ADAMTS2: variants seen among roughly 807,000 people sequenced by gnomAD.
The protein encoded by ADAMTS2 is A disintegrin and metalloproteinase with thrombospondin motifs 2.
Under a neutral mutation model 123.0 loss-of-function variants are expected in ADAMTS2, and 50 were observed. The ratio of observed to expected loss-of-function variants is 0.41; its 90% CI spans 0.32 to 0.51. The LOEUF (loss-of-function observed/expected upper bound fraction) is 0.51, where lower values mean the gene tolerates loss of function less well. ADAMTS2 is among the 20% of genes least tolerant of loss of function. The pLI, the probability that ADAMTS2 is intolerant of heterozygous loss-of-function variation, is 0.35. For missense variants in ADAMTS2, 1,494 were observed against 1,705.2 expected, an observed-to-expected ratio of 0.88 and a Z score of 2.18; for synonymous variants, 678 against 695.4, an observed-to-expected ratio of 0.98 and a Z score of 0.39.
At chr5:179,212,038 T>C (rs1350102141) in intron 3 of ADAMTS2, among the ~76,000 whole-genome samples, 1 of 152,182 alleles carries the variant, frequency 6.6e-6, no homozygotes, top group East Asian at 1.9e-4. Context: ...GTTGTCCACA[T>C]GCCCGGAGCC....
chr5:179,276,520 G>A (rs961575960), intron 2 of ADAMTS2, among the ~76,000 whole-genome samples: 2 of 152,136 alleles, frequency 1.3e-5, no homozygotes, highest in Admixed American at 6.5e-5. Context: ...ACATGAGGCA[G>A]GTCATTTCCC....
At chr5:179,299,921 C>T (rs190635453) in intron 2 of ADAMTS2, among the ~76,000 whole-genome samples, 4,369 of 151,724 alleles carry the variant, frequency 0.029, 123 homozygotes, top group South Asian at 0.084. Context: ...AGTGAAACCC[C>T]GTCTCTACTA....
intron 3 of ADAMTS2, among the ~76,000 whole-genome samples, chr5:179,224,287 T>G (rs1462525726): frequency 6.6e-6 from 1 of 152,156 alleles, no homozygotes; most frequent in Non-Finnish European, 1.5e-5. Context: ...CGGCACACCC[T>G]GACATCCGTA....
chr5:179,190,373 G>C (rs2113335331), intron 4 of ADAMTS2, among the ~76,000 whole-genome samples: 1 of 152,296 alleles, frequency 6.6e-6, no homozygotes, highest in Admixed American at 6.5e-5. Context: ...AGGAGCATTT[G>C]TCGTATAGAA....
chr5:179,213,784 G>A (rs1473376179), intron 3 of ADAMTS2, among the ~76,000 whole-genome samples: 7 of 152,138 alleles, frequency 4.6e-5, no homozygotes, highest in Non-Finnish European at 8.8e-5. Flanking sequence ...CATTTAAGGA[G>A]ATAAACTGAT....
chr5:179,309,675 T>C lies in ADAMTS2; in HGVS notation c.534+34092A>G, dbSNP rs1756771850. On this transcript the variant is annotated intron_variant, in intron 2 of 21. Transcript: ENST00000251582. The stretch of plus-strand genomic sequence containing the variant: ...CAGGAGGCTAAGGCAGGAGAATCGC[T>C]TGAACCTGGGAGGCGGAGTTGCAGT... Among the ~76,000 whole-genome samples, 11 of 148,290 alleles carry C rather than the reference T, an allele frequency of 7.4e-5. No homozygotes were observed. In the Admixed American group the frequency reaches 7.4e-4, roughly 10 times the overall value.
rs1764161514 is a variant in ADAMTS2 at position 179,185,885 on chromosome 5, G to A, written c.892-4730C>T. 6.6e-6 allele frequency among the ~76,000 whole-genome samples: 1 copy of A among 151,996 alleles called. No individual in the cohort carries two copies. Among genetic ancestry groups the A allele is most frequent in the Non-Finnish European group, 1.5e-5 (1 of 67,986 alleles). ...CCCTGGCTGCTGAGGAGCTAGAGAG[G>A]GCATGCCTGCAAATGCTCCCAGCAG... On this transcript the variant is annotated intron_variant, in intron 4 of 21. Transcript: ENST00000251582. This position sits in a 1 kb window ranked among gnomAD's most constrained non-coding sequence, Gnocchi z 5.9.
intron 2 of ADAMTS2, among the ~76,000 whole-genome samples, chr5:179,300,358 T>G (rs1050706861): frequency 9.8e-5 from 15 of 152,356 alleles, no homozygotes; most frequent in African/African-American, 3.6e-4. Context: ...CTTTTCTACA[T>G]TATTCAATGA....
intron 2 of ADAMTS2, among the ~76,000 whole-genome samples, chr5:179,316,658 T>G (rs1757006620): frequency 6.6e-6 from 1 of 152,098 alleles, no homozygotes; most frequent in South Asian, 2.1e-4. Flanking sequence ...GAACATGAAG[T>G]GGGGACGGGA....
intron 3 of ADAMTS2, among the ~76,000 whole-genome samples, chr5:179,268,405 G>A (rs1335705157): frequency 6.6e-6 from 1 of 152,222 alleles, no homozygotes; most frequent in Non-Finnish European, 1.5e-5. Context: ...TGCCTGCCAG[G>A]CCCTGCAGGC....
At chr5:179,267,389 T>G (rs1234130566) in intron 3 of ADAMTS2, among the ~76,000 whole-genome samples, 2 of 152,174 alleles carry the variant, frequency 1.3e-5, no homozygotes, top group Non-Finnish European at 2.9e-5. Context: ...CGTCTGCCCG[T>G]CAGGGAGGAT....
chr5:179,310,718 G>A (rs1756806802), intron 2 of ADAMTS2, among the ~76,000 whole-genome samples: 1 of 152,196 alleles, frequency 6.6e-6, no homozygotes, highest in South Asian at 2.1e-4. Context: ...GTGGTCTGAT[G>A]ACATTGAAGT....
intron 5 of ADAMTS2, among the ~76,000 whole-genome samples, chr5:179,172,490 CA>C (rs1763843712): frequency 6.6e-6 from 1 of 152,204 alleles, no homozygotes; most frequent in Non-Finnish European, 1.5e-5. Context: ...CCTGCTAACC[CA>C]GGGGCGTGGG....
In ADAMTS2 at chr5:179,121,700, G is replaced by A. The variant is rs758048360; in HGVS notation, c.3139C>T (p.Arg1047Cys). 4 of 1,596,892 alleles carry A rather than the reference G, an allele frequency of 2.5e-6. No homozygotes were observed. Among genetic ancestry groups the A allele is most frequent in the East Asian group, 2.3e-5 (1 of 43,556 alleles). ...CGGATGGGCGAGTCGGGGTCCGGGC[G>A]GGACAGCCACTGAACTACGTAGCTC... The part of the protein sequence containing the change: ...KKSYVVQWLS[R>C]PDPDSPIRKI... The change falls in exon 21 of 22, where the codon CGC (arginine) becomes TGC (cysteine). Residue 1047 changes from arginine to cysteine, a missense_variant. By Grantham distance (180) the Arg-to-Cys change is radical. This residue lies in a region of ADAMTS2 where 953 missense variants were observed against 1,124.7 expected (regional missense o/e 0.85). Coordinates refer to ENST00000251582, the MANE Select transcript of ADAMTS2 (RefSeq NM_014244.5).
chr5:179,234,811 G>A lies in ADAMTS2; in HGVS notation c.689-27096C>T, dbSNP rs1765487887. The stretch of plus-strand genomic sequence containing the variant: ...CTGGCCCCATCCGCTGCTGCTCCCT[G>A]CCCTTCACTCCCTGTAGCTCGAGTC... On this transcript the variant is annotated intron_variant, in intron 3 of 21. Coordinates refer to ENST00000251582, the MANE Select transcript of ADAMTS2 (RefSeq NM_014244.5). This position sits in a 1 kb window ranked among gnomAD's most constrained non-coding sequence, Gnocchi z 4.7. 1.3e-5 allele frequency among the ~76,000 whole-genome samples: 2 copies of A among 152,210 alleles called. No individual in the cohort carries two copies. Among genetic ancestry groups the A allele is most frequent in the Non-Finnish European group, 2.9e-5 (2 of 68,004 alleles).
Position 179,111,436 on chromosome 5 carries a change from T to C in ADAMTS2, c.*2431A>G, listed in dbSNP as rs1433984971. 6.6e-6 allele frequency: 1 copy of C among 152,294 alleles called. No homozygotes were observed. The highest frequency in any genetic ancestry group is 6.5e-5 in the Admixed American group (1 of 15,282). 9.4% of individuals were successfully genotyped at this position (152,294 alleles called of 1,614,324 possible). On this transcript the variant is annotated 3_prime_UTR_variant, in exon 22 of 22. Transcript: ENST00000251582. ...GTCGTTTCTCAGAGCCCGGTGAACG[T>C]TGGCATTCCTTGGACAGACTTTTGA... is the stretch of plus-strand genomic sequence containing the variant.
chr5:179,245,891 T>A (rs1765793520), intron 3 of ADAMTS2, among the ~76,000 whole-genome samples: 1 of 150,998 alleles, frequency 6.6e-6, no homozygotes, highest in Non-Finnish European at 1.5e-5. Context: ...CTAAAGATTC[T>A]GATAAGATGC....
Position 179,181,495 on chromosome 5 carries a change from A to G in ADAMTS2, c.892-340T>C, listed in dbSNP as rs1764046936. Among the ~76,000 whole-genome samples the G allele has an allele frequency of 6.6e-6, 1 of 151,974 alleles. No individual in the cohort carries two copies. The highest frequency in any genetic ancestry group is 2.4e-5 in the African/African-American group (1 of 41,372). The stretch of plus-strand genomic sequence containing the variant: ...CAGCTGAAACACAACCTTCCCTTCA[A>G]CAGTGAACGTGGGTGATGGACCCCC... On this transcript the variant is annotated intron_variant, in intron 4 of 21. Transcript: ENST00000251582. The surrounding 1 kb of genome is among the most constrained non-coding windows in gnomAD (Gnocchi z 4.1).
chr5:179,173,180 C>T (rs1763858993), intron 5 of ADAMTS2, among the ~76,000 whole-genome samples: 1 of 151,182 alleles, frequency 6.6e-6, no homozygotes, highest in Non-Finnish European at 1.5e-5. Flanking sequence ...CCACTCCACT[C>T]TAGTCTGGGC....
Sources: allele counts gnomAD v4.1 joint callset (sites outside exome capture counted in the v4.1 genomes callset), GRCh38; gene constraint gnomAD v4.1.1; regional missense constraint gnomAD v4.1.1; non-coding constraint Gnocchi (gnomAD v3.1); transcripts MANE v1.5; gene names NCBI Gene and HGNC (gene_info 2026-07-23, HGNC 2026-07-21).